CPQ: variants seen among roughly 807,000 people sequenced by gnomAD.
The protein encoded by CPQ is carboxypeptidase Q.
In CPQ, 37 loss-of-function variants were observed where a neutral mutation model predicts 45.7. That is an observed-to-expected ratio of 0.81 (90% CI 0.62 to 1.07). The LOEUF (loss-of-function observed/expected upper bound fraction) is 1.07, where lower values mean the gene tolerates loss of function less well. Among genes scored for constraint, CPQ ranks in the 50% least tolerant of loss-of-function variants. CPQ has a pLI of 0.00. For missense variants in CPQ, 537 were observed against 572.9 expected (o/e 0.94, Z 0.64); for synonymous variants, 186 against 205.8 (o/e 0.90, Z 0.82).
intron 2 of CPQ, among the ~76,000 whole-genome samples, chr8:96,821,626 A>G (rs936240286): frequency 3.3e-5 from 5 of 151,940 alleles, no homozygotes; most frequent in African/African-American, 1.2e-4. Flanking sequence ...TTTGATGCAA[A>G]AAAGTTGAAA....
chr8:97,015,379 G>C (rs1809560964), intron 5 of CPQ, among the ~76,000 whole-genome samples: 1 of 151,418 alleles, frequency 6.6e-6, no homozygotes, highest in Non-Finnish European at 1.5e-5. Flanking sequence ...TCTTAGACAT[G>C]TGTTGATAAA....
chr8:96,889,073 A>G (rs538931970), intron 4 of CPQ, among the ~76,000 whole-genome samples: 2 of 152,320 alleles, frequency 1.3e-5, no homozygotes, highest in African/African-American at 4.8e-5. Flanking sequence ...AAGTTGAGAA[A>G]TAGGAGAGGC....
intron 4 of CPQ, among the ~76,000 whole-genome samples, chr8:96,954,095 T>A (rs1180427597): frequency 6.6e-6 from 1 of 152,176 alleles, no homozygotes; most frequent in African/African-American, 2.4e-5. Context: ...TTAGTAAGAA[T>A]GGTACTTTGA....
rs201599180 is a variant in CPQ, at chr8:97,108,406, G to C, written c.1256-34614G>C. Among the ~76,000 whole-genome samples the C allele has an allele frequency of 3.3e-5, 5 of 152,264 alleles. No individual in the cohort carries two copies. The East Asian group carries it at 9.6e-4, about 29-fold the overall frequency. On this transcript the variant is annotated intron_variant, in intron 7 of 7. Coordinates refer to ENST00000220763, the MANE Select transcript of CPQ (RefSeq NM_016134.4). ...CCAAATAAGAGATTTTATTTTTAAA[G>C]ACTTGATGGGATTATGTCAATTTTA... is the stretch of plus-strand genomic sequence containing the variant.
chr8:96,857,169 C>T (rs762517508), intron 3 of CPQ, among the ~76,000 whole-genome samples: 13 of 152,324 alleles, frequency 8.5e-5, no homozygotes, highest in African/African-American at 2.6e-4. Context: ...CAGCCACACA[C>T]GGCCTTGCTG....
intron 5 of CPQ, among the ~76,000 whole-genome samples, chr8:97,027,382 G>T (rs553686816): frequency 6.6e-6 from 1 of 152,290 alleles, no homozygotes; most frequent in Admixed American, 6.5e-5. Context: ...TCTGTGAGGT[G>T]AAAGTGTGTT....
At chr8:97,116,040 G>A (rs1272057029) in intron 7 of CPQ, among the ~76,000 whole-genome samples, 1 of 152,144 alleles carries the variant, frequency 6.6e-6, no homozygotes, top group Non-Finnish European at 1.5e-5. Context: ...ATTGAAAAGG[G>A]AGAAGGGGTC....
chr8:96,811,359 G>A (rs879634139), intron 2 of CPQ, among the ~76,000 whole-genome samples: 3 of 152,008 alleles, frequency 2.0e-5, no homozygotes, highest in African/African-American at 4.8e-5. Flanking sequence ...TACTGCCTCC[G>A]TTCATCATTA....
At chr8:96,992,065 G>C (rs1456175960) in intron 5 of CPQ, among the ~76,000 whole-genome samples, 1 of 152,188 alleles carries the variant, frequency 6.6e-6, no homozygotes, top group Non-Finnish European at 1.5e-5. Flanking sequence ...CTTGATGGGT[G>C]TGTGGCAGCA....
chr8:96,646,137 A>G (rs1390836344), intron 1 of CPQ, among the ~76,000 whole-genome samples: 2 of 151,790 alleles, frequency 1.3e-5, no homozygotes, highest in South Asian at 2.1e-4. Flanking sequence ...CTTTCCAAAA[A>G]GTTGTGTGAA....
chr8:96,797,732 C>T (rs563253669), intron 2 of CPQ, among the ~76,000 whole-genome samples: 76 of 151,936 alleles, frequency 5.0e-4, no homozygotes, highest in Admixed American at 2.2e-3. Context: ...GCCCGAGCAA[C>T]GTAGTGAAAC....
chr8:97,038,519 A>G (rs912150373), intron 6 of CPQ, among the ~76,000 whole-genome samples: 3 of 152,182 alleles, frequency 2.0e-5, no homozygotes, highest in Non-Finnish European at 4.4e-5. Flanking sequence ...TTGGGCTCAC[A>G]AGTGAACTGC....
intron 1 of CPQ, among the ~76,000 whole-genome samples, chr8:96,771,563 T>A (rs527626045): frequency 3.4e-4 from 52 of 152,248 alleles, no homozygotes; most frequent in Middle Eastern, 6.8e-3. Context: ...GTCTGGATGC[T>A]TACTTTGCAG....
chr8:96,686,181 T>C (rs1809224742), intron 1 of CPQ, among the ~76,000 whole-genome samples: 1 of 152,002 alleles, frequency 6.6e-6, no homozygotes, highest in African/African-American at 2.4e-5. Context: ...TCTCTTAAAA[T>C]TTTACCTGCA....
At chr8:96,845,544 A>T (rs1811673927) in intron 3 of CPQ, among the ~76,000 whole-genome samples, 1 of 152,162 alleles carries the variant, frequency 6.6e-6, no homozygotes, top group Admixed American at 6.5e-5. Flanking sequence ...TTGTTTTGAG[A>T]CAGGGTCTTG....
intron 6 of CPQ, among the ~76,000 whole-genome samples, chr8:97,031,905 T>G (rs927724065): frequency 1.3e-5 from 2 of 152,366 alleles, no homozygotes; most frequent in Middle Eastern, 3.4e-3. Context: ...CTTTACATGA[T>G]ACAGCCAATT....
Position 96,786,564 on chromosome 8 carries a change from A to G in CPQ, c.433+1234A>G, listed in dbSNP as rs184717544. On this transcript the variant is annotated intron_variant, in intron 2 of 7. Coordinates refer to ENST00000220763, the MANE Select transcript of CPQ (RefSeq NM_016134.4). ...TACCAAGAAGTAGAATTGCTGGGTC[A>G]TATACCAGCTCTATGTTTAACTTTA... Among the ~76,000 whole-genome samples the G allele has an allele frequency of 3.5e-3, 533 of 152,318 alleles. 3 individuals are homozygous for G. The highest frequency in any genetic ancestry group is 6.8e-3 in the Middle Eastern group (2 of 294).
intron 4 of CPQ, among the ~76,000 whole-genome samples, chr8:96,919,205 C>G (rs1386353579): frequency 6.6e-6 from 1 of 151,966 alleles, no homozygotes; most frequent in Admixed American, 6.6e-5. Context: ...ACCTGAAGTC[C>G]CATACCTGGT....
intron 7 of CPQ, among the ~76,000 whole-genome samples, chr8:97,090,749 T>A (rs1336399784): frequency 6.6e-6 from 1 of 152,138 alleles, no homozygotes; most frequent in Non-Finnish European, 1.5e-5. Context: ...AAGACCTCAT[T>A]TAAGAGCAGC....
Sources: allele counts gnomAD v4.1 joint callset (sites outside exome capture counted in the v4.1 genomes callset), GRCh38; gene constraint gnomAD v4.1.1; transcripts MANE v1.5; gene names NCBI Gene and HGNC (gene_info 2026-07-23, HGNC 2026-07-21).